Variants in ATP2B2 observed in about 807,000 individuals in gnomAD.
ATP2B2 encodes ATPase plasma membrane Ca2+ transporting 2, also known as plasma membrane calcium-transporting ATPase 2.
ATP2B2 carries 15 observed loss-of-function variants against 120.0 expected under a neutral mutation model. That is an observed-to-expected ratio of 0.12 (90% confidence interval 0.08 to 0.19). The LOEUF is 0.19. Ranked by LOEUF, ATP2B2 falls within the 10% of genes least tolerant of loss-of-function variation. The pLI is 1.00. For missense variants in ATP2B2, 1,045 were observed against 1,719.8 expected (o/e 0.61, Z 6.94); for synonymous variants, 694 against 700.3 (o/e 0.99, Z 0.14).
chr3:10,489,922 C>T (rs964118333), intron 1 of ATP2B2, among the ~76,000 whole-genome samples: 4 of 152,270 alleles, frequency 2.6e-5, no homozygotes, highest in Middle Eastern at 3.2e-3. Context: ...TCCTGCCAAG[C>T]GCTGGCCACC....
At chr3:10,437,938 T>C (rs1381927656) in intron 2 of ATP2B2, among the ~76,000 whole-genome samples, 1 of 152,212 alleles carries the variant, frequency 6.6e-6, no homozygotes, top group Non-Finnish European at 1.5e-5. Flanking sequence ...TGGGAGAAGA[T>C]GGCCATCTAC....
At chr3:10,686,043 C>CTTTTTTTT (rs34073958) in intron 1 of ATP2B2, among the ~76,000 whole-genome samples, 8 of 93,214 alleles carry the variant, frequency 8.6e-5, no homozygotes, top group African/African-American at 1.2e-4. Flanking sequence ...TTCCTCCTTT[C>CTTTTTTTT]TTTTTTTTTT....
intron 11 of ATP2B2, among the ~76,000 whole-genome samples, chr3:10,372,965 A>G (rs1037845569): frequency 4.6e-5 from 7 of 152,182 alleles, no homozygotes; most frequent in Admixed American, 2.0e-4. Context: ...GATTTCCTTT[A>G]TTTTTGCTCC....
intron 1 of ATP2B2, among the ~76,000 whole-genome samples, chr3:10,464,268 G>T (rs2064636401): frequency 6.6e-6 from 1 of 152,194 alleles, no homozygotes; most frequent in African/African-American, 2.4e-5. Flanking sequence ...GTGCGGGTGG[G>T]GGTGGGGGCT....
intron 3 of ATP2B2, among the ~76,000 whole-genome samples, chr3:10,521,052 T>C (rs2066975477): frequency 6.6e-6 from 1 of 152,216 alleles, no homozygotes; most frequent in Admixed American, 6.5e-5. Context: ...AGGGTCTGCA[T>C]TTCGTGCAAG....
intron 2 of ATP2B2, among the ~76,000 whole-genome samples, chr3:10,615,740 G>A (rs750318996): frequency 2.3e-4 from 35 of 152,036 alleles, no homozygotes; most frequent in Admixed American, 1.2e-3. Context: ...TTGATGCTAA[G>A]AAAAATTATT....
At chr3:10,420,117 C>T (rs762106327) in intron 2 of ATP2B2, among the ~76,000 whole-genome samples, 7 of 152,166 alleles carry the variant, frequency 4.6e-5, no homozygotes, top group Non-Finnish European at 5.9e-5. Context: ...TGTGCAGACG[C>T]GGGCACACAA....
intron 2 of ATP2B2, among the ~76,000 whole-genome samples, chr3:10,579,299 A>C (rs944978772): frequency 2.6e-5 from 4 of 152,230 alleles, no homozygotes; most frequent in African/African-American, 9.6e-5. Context: ...CGTGGAGATG[A>C]TGCTGCAAAT....
intron 8 of ATP2B2, among the ~76,000 whole-genome samples, chr3:10,381,525 C>T (rs2061530504): frequency 6.6e-6 from 1 of 152,188 alleles, no homozygotes; most frequent in African/African-American, 2.4e-5. Context: ...GAAAAATAAT[C>T]ACCAATGCAT....
At chr3:10,358,592 T>C (rs920628916) in intron 14 of ATP2B2, 99 bp downstream of exon 14, 52 of 1,154,268 alleles carry the variant, frequency 4.5e-5, no homozygotes, top group Non-Finnish European at 6.1e-5. Context: ...ATGTGGAAAC[T>C]GAGACTCAAA....
intron 1 of ATP2B2, among the ~76,000 whole-genome samples, chr3:10,496,616 G>A (rs929264898): frequency 2.7e-5 from 4 of 149,648 alleles, no homozygotes; most frequent in Non-Finnish European, 5.9e-5. Context: ...TGCTCCTAGT[G>A]AGTCCAACCC....
At chr3:10,532,637 G>C (rs1287110043) in intron 3 of ATP2B2, among the ~76,000 whole-genome samples, 1 of 152,180 alleles carries the variant, frequency 6.6e-6, no homozygotes, top group Non-Finnish European at 1.5e-5. Context: ...TCAAGAGATG[G>C]CATTAAATAA....
chr3:10,482,342 CCA>C (rs1484611712), intron 1 of ATP2B2, among the ~76,000 whole-genome samples: 1 of 152,228 alleles, frequency 6.6e-6, no homozygotes, highest in Non-Finnish European at 1.5e-5. Flanking sequence ...CTACCACACT[CCA>C]GAGGCCACAC....
chr3:10,573,253 T>C (rs1429976741), intron 2 of ATP2B2, among the ~76,000 whole-genome samples: 1 of 152,220 alleles, frequency 6.6e-6, no homozygotes, highest in Admixed American at 6.5e-5. Flanking sequence ...TACACATTAG[T>C]AATGCAATGA....
At chr3:10,701,694 G>C (rs180900836) in intron 1 of ATP2B2, among the ~76,000 whole-genome samples, 2 of 151,774 alleles carry the variant, frequency 1.3e-5, no homozygotes, top group African/African-American at 4.8e-5. Context: ...TCGGGTTGCA[G>C]AGCCCTCTGG....
intron 1 of ATP2B2, among the ~76,000 whole-genome samples, chr3:10,504,843 AC>A (rs2125418654): frequency 6.6e-6 from 1 of 152,080 alleles, no homozygotes; most frequent in Admixed American, 6.5e-5. Flanking sequence ...TGGCCTGGCC[AC>A]CCGTTCCTGC....
intron 2 of ATP2B2, among the ~76,000 whole-genome samples, chr3:10,442,292 C>T (rs377602271): frequency 1.4e-4 from 22 of 152,094 alleles, no homozygotes; most frequent in African/African-American, 4.1e-4. Flanking sequence ...ACCTAGTGAG[C>T]CAAGCAGCAT....
chr3:10,515,856 T>G (rs758718333), intron 3 of ATP2B2, among the ~76,000 whole-genome samples: 37 of 152,200 alleles, frequency 2.4e-4, no homozygotes, highest in Non-Finnish European at 2.2e-4. Flanking sequence ...ACATGCACAA[T>G]TAATGGTAGC....
At chr3:10,510,454 G>A (rs1463039747), upstream of ATP2B2, among the ~76,000 whole-genome samples, 1 of 152,256 alleles carries the variant, frequency 6.6e-6, no homozygotes, top group Non-Finnish European at 1.5e-5. Flanking sequence ...GCCCAGAAAC[G>A]CTGTGGGAGG....
Sources: gnomAD v4.1 joint callset for allele counts (sites outside exome capture counted in the v4.1 genomes callset) on GRCh38, gnomAD v4.1.1 for gene constraint, MANE v1.5 for transcripts, NCBI Gene and HGNC (gene_info 2026-07-23, HGNC 2026-07-21) for gene names.